Variants in CACNA2D1 observed in about 807,000 individuals in gnomAD.
The protein encoded by CACNA2D1 is voltage-dependent calcium channel subunit alpha-2/delta-1.
A neutral mutation model predicts 171.5 loss-of-function variants in CACNA2D1; 53 were observed. The ratio of observed to expected loss-of-function variants is 0.31; its 90% CI spans 0.25 to 0.39. CACNA2D1 has a LOEUF of 0.39. CACNA2D1 is among the 10% of genes least tolerant of loss of function. The pLI, the probability that CACNA2D1 is intolerant of heterozygous loss-of-function variation, is 1.00. For missense variants in CACNA2D1, 903 were observed against 1,299.8 expected (o/e 0.69, Z 4.69); for synonymous variants, 442 against 443.1 (o/e 1.00, Z 0.03).
At chr7:81,971,706 C>A in intron 26 of CACNA2D1, 71 bp downstream of exon 26, 2 of 856,510 alleles carry the variant, frequency 2.3e-6, no homozygotes, top group Non-Finnish European at 4.0e-6. Flanking sequence ...GAGATTCATA[C>A]CCAATTTCCA....
chr7:82,250,009 A>C (rs1805435719), intron 3 of CACNA2D1, among the ~76,000 whole-genome samples: 1 of 152,264 alleles, frequency 6.6e-6, no homozygotes, highest in African/African-American at 2.4e-5. Context: ...GTCAAGTCCC[A>C]GAGCATGGTG....
At chr7:82,276,073 C>T (rs960466919) in intron 3 of CACNA2D1, among the ~76,000 whole-genome samples, 10 of 152,156 alleles carry the variant, frequency 6.6e-5, no homozygotes, top group Admixed American at 2.6e-4. Context: ...TGAGTTGAAT[C>T]TACTTACTTT....
At chr7:82,105,578 T>G (rs258682) in intron 6 of CACNA2D1, among the ~76,000 whole-genome samples, 1 of 151,676 alleles carries the variant, frequency 6.6e-6, no homozygotes, top group African/African-American at 2.4e-5. Flanking sequence ...TATCTCCATA[T>G]AAAATTTGTT....
chr7:82,088,406 T>C (rs1157003764), intron 6 of CACNA2D1, among the ~76,000 whole-genome samples: 2 of 152,180 alleles, frequency 1.3e-5, no homozygotes, highest in Non-Finnish European at 2.9e-5. Flanking sequence ...TTCATTCATA[T>C]AAAACCTAAT....
At chr7:82,022,678 C>G (rs1184276460) in intron 12 of CACNA2D1, among the ~76,000 whole-genome samples, 1 of 151,894 alleles carries the variant, frequency 6.6e-6, no homozygotes, top group Non-Finnish European at 1.5e-5. Flanking sequence ...ATATTTGTAA[C>G]TTGGTTTAGA....
Position 82,149,721 on chromosome 7 carries a change from G to A in CACNA2D1, c.355-13045C>T, listed in dbSNP as rs185730971. 2.7e-3 allele frequency among the ~76,000 whole-genome samples: 401 copies of A among 150,902 alleles called. 1 individual carries two copies. Among genetic ancestry groups the A allele is most frequent in the African/African-American group, 9.5e-3 (390 of 41,124 alleles). The stretch of plus-strand genomic sequence containing the variant: ...AGGCAGGCGGATCACAAGGTCAGGA[G>A]ATCGAGACCACCCTGGCTAATACGG... On this transcript the variant is annotated intron_variant, in intron 4 of 38. Transcript: ENST00000356860.
Position 81,997,206 on chromosome 7 carries a change from T to G in CACNA2D1, c.1635A>C (p.Ala545=), listed in dbSNP as rs540691116. ...CCACTTTAATATCATTCTCTAACTC[T>G]GCATCAAGGAAATCCAATGTTACTG... The part of the protein sequence containing the change: ...QEPVTLDFLD[A]ELENDIKVEI... Residue 545 remains alanine, a synonymous_variant, in exon 19 of 39, where the codon GCA becomes GCC. Transcript: ENST00000356860. 16 of 1,607,018 alleles carry G rather than the reference T, an allele frequency of 1.0e-5. No homozygotes were observed. In the East Asian group the frequency reaches 2.9e-4, roughly 29 times the overall value.
chr7:82,163,700 T>C (rs886236319), intron 4 of CACNA2D1, among the ~76,000 whole-genome samples: 11 of 151,988 alleles, frequency 7.2e-5, no homozygotes, highest in African/African-American at 1.9e-4. Flanking sequence ...ATAGAGCACA[T>C]TGAATCCAGC....
At chr7:82,245,411 T>C (rs868404899) in intron 3 of CACNA2D1, among the ~76,000 whole-genome samples, 3 of 152,212 alleles carry the variant, frequency 2.0e-5, no homozygotes, top group Middle Eastern at 3.4e-3. Context: ...CCCTACACAA[T>C]TGAAATTCGC....
At chr7:82,116,996 C>A in intron 6 of CACNA2D1, 48 bp downstream of exon 6, 1 of 1,604,188 alleles carries the variant, frequency 6.2e-7, no homozygotes. Flanking sequence ...AAACATAAGA[C>A]AGGCGAGAGC....
intron 3 of CACNA2D1, among the ~76,000 whole-genome samples, chr7:82,300,246 A>G (rs1019988337): frequency 6.6e-6 from 1 of 152,162 alleles, no homozygotes; most frequent in African/African-American, 2.4e-5. Context: ...CTCAGACAGC[A>G]ATAAAGATAA....
intron 3 of CACNA2D1, among the ~76,000 whole-genome samples, chr7:82,212,288 A>C (rs77007797): frequency 0.085 from 12,903 of 152,244 alleles, 732 homozygotes; most frequent in Non-Finnish European, 0.11. Flanking sequence ...TTCAGACATA[A>C]AATGAATCAT....
At chr7:82,376,711 T>A (rs1823054754) in intron 1 of CACNA2D1, among the ~76,000 whole-genome samples, 1 of 152,222 alleles carries the variant, frequency 6.6e-6, no homozygotes, top group Non-Finnish European at 1.5e-5. Flanking sequence ...CCCTTGCTAC[T>A]AGCCTTCTCA....
chr7:82,383,566 A>G (rs1458177120), intron 1 of CACNA2D1, among the ~76,000 whole-genome samples: 1 of 152,218 alleles, frequency 6.6e-6, no homozygotes, highest in African/African-American at 2.4e-5. Context: ...CTTGGTCTTC[A>G]TACATACAAA....
At chr7:82,189,342 C>T (rs1229760016) in intron 3 of CACNA2D1, among the ~76,000 whole-genome samples, 1 of 151,888 alleles carries the variant, frequency 6.6e-6, no homozygotes, top group Admixed American at 6.6e-5. Flanking sequence ...TAGAAAGACT[C>T]AGCAGGCTGC....
chr7:82,217,937 A>ATTTATTTATTTATTTATTTT (rs1184425936), intron 3 of CACNA2D1, among the ~76,000 whole-genome samples: 4 of 143,700 alleles, frequency 2.8e-5, no homozygotes, highest in Non-Finnish European at 6.1e-5. Context: ...TTATTTATTT[A>ATTTATTTATTTATTTATTTT]TATTTTTATT....
chr7:81,994,827 A>G, intron 20 of CACNA2D1, 41 bp downstream of exon 20: 1 of 953,930 alleles, frequency 1.0e-6, no homozygotes, highest in Non-Finnish European at 1.7e-6. Flanking sequence ...ATTATTCTTG[A>G]TATAATTTTT....
chr7:82,047,453 A>C (rs949054353), intron 10 of CACNA2D1, among the ~76,000 whole-genome samples: 3 of 152,200 alleles, frequency 2.0e-5, no homozygotes, highest in Admixed American at 2.0e-4. Flanking sequence ...CTTGAAGAAC[A>C]CAATAAGAAT....
chr7:82,165,422 T>A (rs1262250878), intron 4 of CACNA2D1, among the ~76,000 whole-genome samples: 4 of 152,016 alleles, frequency 2.6e-5, no homozygotes, highest in Non-Finnish European at 4.4e-5. Context: ...TAAAAATTGT[T>A]AACTGTGAAA....
Sources: gnomAD v4.1 joint callset for allele counts (sites outside exome capture counted in the v4.1 genomes callset) on GRCh38, gnomAD v4.1.1 for gene constraint, MANE v1.5 for transcripts, NCBI Gene and HGNC (gene_info 2026-07-23, HGNC 2026-07-21) for gene names.